LAMA2: variants seen among roughly 807,000 people sequenced by gnomAD.
LAMA2 encodes the protein laminin subunit alpha 2.
A neutral mutation model predicts 364.8 loss-of-function variants in LAMA2; 269 were observed. That is an observed-to-expected ratio of 0.74 (90% CI 0.67 to 0.82). LAMA2 has a LOEUF of 0.82. LAMA2 is among the 40% of genes least tolerant of loss of function. The probability of loss-of-function intolerance (pLI) is 0.00; values close to 1 mark genes in which losing one functional copy is unlikely to be tolerated. For missense variants in LAMA2, 3,807 were observed against 3,873.2 expected, an observed-to-expected ratio of 0.98 and a Z score of 0.45; for synonymous variants, 1,379 against 1,370.6, an observed-to-expected ratio of 1.01 and a Z score of -0.14.
At chr6:129,063,029 T>C (rs1686108903) in intron 3 of LAMA2, among the ~76,000 whole-genome samples, 1 of 152,006 alleles carries the variant, frequency 6.6e-6, no homozygotes, top group African/African-American at 2.4e-5. Flanking sequence ...AGATACGTAT[T>C]ACTAAGGGAT....
chr6:129,486,663 G>T, intron 56 of LAMA2, 41 bp downstream of exon 56: 1 of 1,584,302 alleles, frequency 6.3e-7, no homozygotes, highest in South Asian at 1.1e-5. Context: ...TAACTCAGGT[G>T]AACTTCCTTT....
chr6:129,032,929 C>A (rs1786341519), intron 1 of LAMA2, among the ~76,000 whole-genome samples: 1 of 152,048 alleles, frequency 6.6e-6, no homozygotes. Context: ...ATCTGGGTGT[C>A]CCTTCGGGTG....
At chr6:129,133,787 GAGTA>G in intron 4 of LAMA2, among the ~76,000 whole-genome samples, 1 of 152,078 alleles carries the variant, frequency 6.6e-6, no homozygotes, top group South Asian at 2.1e-4. Flanking sequence ...CTATACATAT[GAGTA>G]AAAATCCAAA....
intron 1 of LAMA2, among the ~76,000 whole-genome samples, chr6:128,913,969 C>T (rs544203558): frequency 3.0e-4 from 46 of 151,936 alleles, no homozygotes; most frequent in African/African-American, 1.0e-3. Flanking sequence ...AAGCACATGG[C>T]AAACCCAGGC....
intron 9 of LAMA2, among the ~76,000 whole-genome samples, chr6:129,177,294 A>G (rs1029035832): frequency 4.6e-5 from 7 of 152,154 alleles, no homozygotes; most frequent in African/African-American, 1.7e-4. Context: ...TCCCAAGGCT[A>G]CTTTGCACCT....
Position 129,297,878 on chromosome 6 carries a change from G to T in LAMA2, c.3037+13G>T, listed in dbSNP as rs1773292125. 2 of 1,609,814 alleles carry T rather than the reference G, an allele frequency of 1.2e-6. No homozygotes were observed. Among genetic ancestry groups the T allele is most frequent in the African/African-American group, 1.3e-5 (1 of 74,944 alleles). On this transcript the variant is annotated intron_variant, in intron 21 of 64. Transcript: ENST00000421865. ...GGAGGCTGCACAGGTCTGTAAATATGACTTAAGTCCTACATATTCACTCTG... is the reference window on the plus strand; with the variant it reads ...GGAGGCTGCACAGGTCTGTAAATATTACTTAAGTCCTACATATTCACTCTG...
chr6:129,184,672 G>T (rs1411174289), intron 10 of LAMA2, among the ~76,000 whole-genome samples: 1 of 151,722 alleles, frequency 6.6e-6, no homozygotes, highest in Non-Finnish European at 1.5e-5. Context: ...ATCCTTGCTC[G>T]TGGCTATAAA....
Position 129,197,535 on chromosome 6 carries a change from T to A in LAMA2, c.1782+4682T>A, listed in dbSNP as rs549428840. On this transcript the variant is annotated intron_variant, in intron 12 of 64. Coordinates refer to ENST00000421865, the MANE Select transcript of LAMA2 (RefSeq NM_000426.4). Reference sequence around the variant, plus strand: ...TGGGCCGAACCAATGTGTAACTTAGTACTGGTGTATGTCTTTGCCTGCAAC... The same window carrying A: ...TGGGCCGAACCAATGTGTAACTTAGAACTGGTGTATGTCTTTGCCTGCAAC... 2.0e-5 allele frequency among the ~76,000 whole-genome samples: 3 copies of A among 152,356 alleles called. No individual in the cohort carries two copies. In the South Asian group the frequency reaches 6.2e-4, roughly 32 times the overall value.
intron 1 of LAMA2, among the ~76,000 whole-genome samples, chr6:128,910,950 G>C (rs939269811): frequency 1.5e-4 from 23 of 151,538 alleles, no homozygotes; most frequent in African/African-American, 5.6e-4. Context: ...AGGCTGCTCG[G>C]GGGTCAGGGG....
intron 1 of LAMA2, among the ~76,000 whole-genome samples, chr6:129,039,827 G>A (rs958459510): frequency 1.1e-4 from 16 of 152,208 alleles, no homozygotes; most frequent in African/African-American, 3.9e-4. Context: ...TTATCTGACA[G>A]GAGGCAGAGC....
At chr6:129,169,343 C>A in intron 9 of LAMA2, among the ~76,000 whole-genome samples, 1 of 149,712 alleles carries the variant, frequency 6.7e-6, no homozygotes, top group Non-Finnish European at 1.5e-5. Context: ...CCCATCAATA[C>A]CTAATTTATT....
At chr6:129,199,493 G>A (rs964964312) in intron 12 of LAMA2, among the ~76,000 whole-genome samples, 27 of 152,214 alleles carry the variant, frequency 1.8e-4, no homozygotes, top group African/African-American at 6.5e-4. Flanking sequence ...GATGTGGACA[G>A]TGCAGTAGAT....
chr6:129,122,387 G>A (rs1748890451), intron 4 of LAMA2, among the ~76,000 whole-genome samples: 1 of 152,112 alleles, frequency 6.6e-6, no homozygotes, highest in African/African-American at 2.4e-5. Flanking sequence ...ATTTGTACAT[G>A]AGCTCATTTT....
chr6:129,244,623 G>A (rs1785619940), intron 12 of LAMA2, among the ~76,000 whole-genome samples: 1 of 152,020 alleles, frequency 6.6e-6, no homozygotes, highest in Non-Finnish European at 1.5e-5. Context: ...AGAACCAAAT[G>A]TTCCAGGCTT....
intron 3 of LAMA2, among the ~76,000 whole-genome samples, chr6:129,081,257 G>A (rs1446859571): frequency 1.3e-5 from 2 of 151,764 alleles, no homozygotes; most frequent in African/African-American, 2.4e-5. Context: ...GTGGGGTGAG[G>A]GGGGAGGGAT....
intron 8 of LAMA2, among the ~76,000 whole-genome samples, chr6:129,161,638 T>C (rs1779443363): frequency 6.6e-6 from 1 of 152,148 alleles, no homozygotes; most frequent in South Asian, 2.1e-4. Context: ...AATAAAATTT[T>C]CAATCTTCAC....
chr6:129,360,413 A>G (rs1777394250), intron 32 of LAMA2, among the ~76,000 whole-genome samples: 2 of 152,196 alleles, frequency 1.3e-5, no homozygotes, highest in African/African-American at 2.4e-5. Flanking sequence ...GTGTCAGAAT[A>G]AAATAGCAAA....
intron 51 of LAMA2, among the ~76,000 whole-genome samples, chr6:129,472,421 A>G (rs555267181): frequency 1.2e-4 from 18 of 152,100 alleles, no homozygotes; most frequent in Admixed American, 9.8e-4. Flanking sequence ...TGTAATTCAG[A>G]AAAAGCCTAG....
chr6:128,971,725 C>A (rs1471419800), intron 1 of LAMA2, among the ~76,000 whole-genome samples: 1 of 152,136 alleles, frequency 6.6e-6, no homozygotes, highest in African/African-American at 2.4e-5. Context: ...TAAAGTTGAG[C>A]CTCAGACTGA....
Sources: gnomAD v4.1 joint callset for allele counts (sites outside exome capture counted in the v4.1 genomes callset) on GRCh38, gnomAD v4.1.1 for gene constraint, MANE v1.5 for transcripts, NCBI Gene and HGNC (gene_info 2026-07-23, HGNC 2026-07-21) for gene names.